Variants in MYH2 observed in about 807,000 individuals in gnomAD.
MYH2 encodes myosin-2.
A neutral mutation model predicts 228.1 loss-of-function variants in MYH2; 139 were observed. The observed-to-expected ratio is 0.61, with a 90% CI of 0.53 to 0.70. MYH2 has a LOEUF of 0.70. Among genes scored for constraint, MYH2 ranks in the 30% least tolerant of loss-of-function variants. The probability of loss-of-function intolerance (pLI) is 0.00; values close to 1 mark genes in which losing one functional copy is unlikely to be tolerated. For synonymous variants in MYH2, 796 were observed against 871.1 expected, an observed-to-expected ratio of 0.91 and a Z score of 1.52; for missense variants, 1,809 against 2,357.5, an observed-to-expected ratio of 0.77 and a Z score of 4.82.
intron 5 of MYH2, among the ~76,000 whole-genome samples, chr17:10,545,049 A>G (rs73275492): frequency 2.2e-3 from 336 of 151,294 alleles, no homozygotes; most frequent in African/African-American, 7.8e-3. Context: ...ACATACACAG[A>G]AATATTTGTA....
chr17:10,536,671 T>C (rs1031972688), intron 16 of MYH2, 65 bp from the exon 17 acceptor site: 3 of 1,467,398 alleles, frequency 2.0e-6, no homozygotes, highest in African/African-American at 1.4e-5. Context: ...GCGTATTTGC[T>C]GATTTCTGTG....
Position 10,528,731 on chromosome 17 carries a change from C to T in MYH2, c.3703G>A (p.Asp1235Asn). 1 of 1,614,150 alleles carries T rather than the reference C, an allele frequency of 6.2e-7. No individual in the cohort carries two copies. The highest frequency in any genetic ancestry group is 1.1e-5 in the South Asian group (1 of 91,070). The change falls in exon 27 of 40, where the codon GAT becomes AAT. Residue 1235 changes from aspartate to asparagine, a missense_variant. Asp to Asn is a conservative substitution (Grantham distance 23, BLOSUM62 1). Around this residue, in one of 9 missense-constraint regions of MYH2, gnomAD observed 636 missense variants for 729.9 expected, o/e 0.87. Coordinates refer to ENST00000245503, the MANE Select transcript of MYH2 (RefSeq NM_017534.6). ...GTTTCTACATTACTAGCAAGGTCAT[C>T]AATCTCCATCTTCATCTCACTCTTC... ...KEKSEMKMEI[D>N]DLASNVETVS...
rs1597448060 is a variant in MYH2 at position 10,524,992 on chromosome 17, T to C, written c.4736A>G (p.Asp1579Gly). The change falls in exon 34 of 40, where the codon GAT becomes GGT. Residue 1579 changes from aspartate (D) to glycine (G), a missense_variant. Physicochemically the swap from Asp to Gly is moderately conservative, Grantham distance 94. Around this residue, in one of 9 missense-constraint regions of MYH2, gnomAD observed 636 missense variants for 729.9 expected, o/e 0.87. Coordinates refer to ENST00000245503, the MANE Select transcript of MYH2 (RefSeq NM_017534.6). This position sits in a 1 kb window ranked among gnomAD's most constrained non-coding sequence, Gnocchi z 4.7. ...LELNQVKSEV[D>G]RKIAEKDEEI... ...CTCATCTTTTTCAGCAATTTTCCTATCAACCTCAGACTTGACTTGGTTCAA... is the reference window on the plus strand; with the variant it reads ...CTCATCTTTTTCAGCAATTTTCCTACCAACCTCAGACTTGACTTGGTTCAA... 1.2e-6 allele frequency: 2 copies of C among 1,614,114 alleles called. No homozygotes were observed. The highest frequency in any genetic ancestry group is 1.7e-5 in the Admixed American group (1 of 60,008).
chr17:10,529,078 G>T lies in MYH2; in HGVS notation c.3356C>A (p.Ala1119Asp). 1 of 1,614,220 alleles carries T rather than the reference G, an allele frequency of 6.2e-7. No individual in the cohort carries two copies. The highest frequency in any genetic ancestry group is 1.1e-5 in the South Asian group (1 of 91,088). ...TTCCTCCTCCAGCTCCTCAATGCGG[G>T]CCTGGGAATGGTGGAAAATACAAAC... ...QLQKKIKELQ[A>D]RIEELEEEIE... The change falls in exon 27 of 40, where the codon GCC (alanine) becomes GAC (aspartate). Residue 1119 changes from alanine (A) to aspartate (D), a missense_variant and splice_region_variant. By Grantham distance (126) the Ala-to-Asp change is moderately radical (BLOSUM62 -2). Transcript: ENST00000245503.
intron 11 of MYH2, 79 bp from the exon 12 acceptor site, chr17:10,540,145 G>T (rs2073533205): frequency 6.3e-7 from 1 of 1,590,914 alleles, no homozygotes; most frequent in Non-Finnish European, 8.6e-7. Flanking sequence ...CCCATTGCTG[G>T]CCTGAGGAAA....
chr17:10,525,184 A>G lies in MYH2; in HGVS notation c.4662+40T>C, dbSNP rs1211346539. On this transcript the variant is annotated intron_variant, in intron 33 of 39. Coordinates refer to ENST00000245503, the MANE Select transcript of MYH2 (RefSeq NM_017534.6). The surrounding 1 kb of genome is among the most constrained non-coding windows in gnomAD (Gnocchi z 4.2). Reference sequence around the variant, plus strand: ...TCACTCTATGCAGATGTACCTAATTATTTTCCAGATTTTTTTATAATGCAC... The same window carrying G: ...TCACTCTATGCAGATGTACCTAATTGTTTTCCAGATTTTTTTATAATGCAC... 6.2e-6 allele frequency: 10 copies of G among 1,613,790 alleles called. No individual in the cohort carries two copies. The highest frequency in any genetic ancestry group is 8.5e-6 in the Non-Finnish European group (10 of 1,179,944).
rs2073357260 is a variant in MYH2 at position 10,526,606 on chromosome 17, C to A, written c.4180G>T (p.Glu1394Ter). Residue 1394 changes from glutamate (E) to a stop codon, truncating the protein, a stop_gained, in exon 30 of 40, where the codon GAG (glutamate) becomes TAG (stop). Transcript: ENST00000245503. LOFTEE classifies it high-confidence loss of function. Reference sequence around the variant, plus strand: ...TCATATCTGTGCACATACTTGGCCTCCTCCAGCTCCTCTGTGCGCTGGATG... The same window carrying A: ...TCATATCTGTGCACATACTTGGCCTACTCCAGCTCCTCTGTGCGCTGGATG... ...DAIQRTEELE[E>*]AKKKLAQRLQ... 6.2e-7 allele frequency: 1 copy of A among 1,613,902 alleles called. No individual in the cohort carries two copies. Among genetic ancestry groups the A allele is most frequent in the South Asian group, 1.1e-5 (1 of 91,080 alleles).
intron 30 of MYH2, among the ~76,000 whole-genome samples, chr17:10,526,326 G>A (rs553953241): frequency 6.6e-5 from 10 of 152,264 alleles, no homozygotes; most frequent in South Asian, 2.1e-4. Context: ...CTGATGCAGC[G>A]ATGAGCTCAT....
At chr17:10,533,762 GT>G in intron 19 of MYH2, 130 bp from the exon 20 acceptor site, 1 of 1,305,400 alleles carries the variant, frequency 7.7e-7, no homozygotes, top group Non-Finnish European at 1.1e-6. Flanking sequence ...GGAGAACATT[GT>G]TTATTTGAAT....
chr17:10,545,298 G>A (rs774758457), intron 5 of MYH2, 48 bp downstream of exon 5: 7 of 1,611,830 alleles, frequency 4.3e-6, no homozygotes, highest in Non-Finnish European at 5.9e-6. Context: ...TTCTCCTATG[G>A]TTCTGCTCTA....
chr17:10,531,384 C>A (rs764007842), intron 22 of MYH2, among the ~76,000 whole-genome samples: 7 of 152,130 alleles, frequency 4.6e-5, no homozygotes, highest in Non-Finnish European at 1.0e-4. Context: ...AGTCAAAAAT[C>A]TTGTGGTTTG....
At chr17:10,542,286 A>G (rs2073566669) in intron 10 of MYH2, among the ~76,000 whole-genome samples, 1 of 151,988 alleles carries the variant, frequency 6.6e-6, no homozygotes, top group East Asian at 1.9e-4. Flanking sequence ...CAAACAAACA[A>G]ACAAACAAAC....
chr17:10,533,174 A>G, intron 21 of MYH2, 111 bp downstream of exon 21: 1 of 1,472,292 alleles, frequency 6.8e-7, no homozygotes, highest in East Asian at 2.3e-5. Context: ...TCATTATAGG[A>G]CTCTTATTCA....
At chr17:10,531,328 T>C (rs762461233) in intron 22 of MYH2, among the ~76,000 whole-genome samples, 6 of 152,210 alleles carry the variant, frequency 3.9e-5, no homozygotes, top group Non-Finnish European at 8.8e-5. Context: ...TTTGGGATTG[T>C]GTCATATTAA....
chr17:10,540,001 A>G lies in MYH2; in HGVS notation c.1074T>C (p.Ala358=). The G allele has an allele frequency of 6.2e-7, 1 of 1,614,042 alleles. No homozygotes were observed. Among genetic ancestry groups the G allele is most frequent in the South Asian group, 1.1e-5 (1 of 91,084 alleles). The change falls in exon 12 of 40, where the codon GCT becomes GCC. Residue 358 remains alanine, a synonymous_variant. Transcript: ENST00000245503. The part of the protein sequence containing the change: ...EKVSIYKLTG[A]VMHYGNLKFK... ...ATTTTAGGTTCCCATAATGCATCAC[A>G]GCCCCCGTGAGCTTGTAAATGGAGA... is the stretch of plus-strand genomic sequence containing the variant.
intron 2 of MYH2, among the ~76,000 whole-genome samples, chr17:10,548,679 T>C (rs921618101): frequency 6.6e-6 from 1 of 152,212 alleles, no homozygotes; most frequent in African/African-American, 2.4e-5. Context: ...TTAACCTCAT[T>C]CTTCTACATC....
chr17:10,521,491 A>G (rs2073284211), intron 39 of MYH2, 59 bp from the exon 40 acceptor site: 3 of 1,573,188 alleles, frequency 1.9e-6, no homozygotes, highest in African/African-American at 1.4e-5. Context: ...GACTCTTTAG[A>G]CCTAATAGAA....
In MYH2 at chr17:10,523,784, T is replaced by C; in HGVS notation, c.5276A>G (p.Glu1759Gly). Residue 1759 changes from glutamate to glycine, a missense_variant, in exon 36 of 40, where the codon GAA (glutamate) becomes GGA (glycine). By Grantham distance (98) the Glu-to-Gly change is moderately conservative (BLOSUM62 -2). Transcript: ENST00000245503. ...ATCAGTGATGGCCTTCTTGGCCTTT[T>C]CTTCTGCATTGCGGGCTTCCTGGAG... Reference protein sequence around the residue: ...DILQEARNAEEKAKKAITDAA... With the variant: ...DILQEARNAEGKAKKAITDAA... 2 of 1,614,250 alleles carry C rather than the reference T, an allele frequency of 1.2e-6. No homozygotes were observed. Among genetic ancestry groups the C allele is most frequent in the East Asian group, 2.2e-5 (1 of 44,890 alleles).
chr17:10,547,757 C>A lies in MYH2; in HGVS notation c.164G>T (p.Arg55Ile). 6.2e-7 allele frequency: 1 copy of A among 1,614,246 alleles called. No homozygotes were observed. The highest frequency in any genetic ancestry group is 1.1e-5 in the South Asian group (1 of 91,082). ...ESFVKGTIQS[R>I]EGGKVTVKTE... ...CTTCACCGTCACTTTTCCTCCTTCT[C>A]TGCTCTGGATGGTCCCTTTGACAAA... The change falls in exon 3 of 40, where the codon AGA becomes ATA. Residue 55 changes from arginine (R) to isoleucine (I), a missense_variant. Arg to Ile is a moderately conservative substitution (Grantham distance 97). This residue lies in a region of MYH2 where 84 missense variants were observed against 81.8 expected (regional missense o/e 1.03). Transcript: ENST00000245503.
Sources: gnomAD v4.1 joint callset for allele counts (sites outside exome capture counted in the v4.1 genomes callset) on GRCh38, gnomAD v4.1.1 for gene constraint, gnomAD v4.1.1 regional missense constraint, Gnocchi (gnomAD v3.1) non-coding constraint, MANE v1.5 for transcripts, NCBI Gene and HGNC (gene_info 2026-07-23, HGNC 2026-07-21) for gene names.